BCL11B: variants seen among roughly 807,000 people sequenced by gnomAD.
The protein encoded by BCL11B is B-cell lymphoma/leukemia 11B.
Under a neutral mutation model 49.9 loss-of-function variants are expected in BCL11B, and 8 were observed. The observed-to-expected ratio is 0.16, with a 90% CI of 0.09 to 0.29. BCL11B has a LOEUF of 0.29. Ranked by LOEUF, BCL11B falls within the 10% of genes least tolerant of loss-of-function variation. The pLI is 1.00. For missense variants in BCL11B, 1,006 were observed against 1,351.0 expected, an observed-to-expected ratio of 0.74 and a Z score of 4.00; for synonymous variants, 739 against 637.4, an observed-to-expected ratio of 1.16 and a Z score of -2.40.
chr14:99,175,885 G>T lies in BCL11B; in HGVS notation c.951C>A (p.Phe317Leu). 1.4e-6 allele frequency: 2 copies of T among 1,467,534 alleles called. No homozygotes were observed. The highest frequency in any genetic ancestry group is 1.8e-6 in the Non-Finnish European group (2 of 1,113,776). The allele number at this position is 1,467,534 out of a possible 1,614,324, so 90.9% of individuals were successfully genotyped here. The change falls in exon 4 of 4, where the codon TTC becomes TTA. Residue 317 changes from phenylalanine to leucine, a missense_variant. Phe to Leu is a conservative substitution (Grantham distance 22, BLOSUM62 0). Around this residue, in one of 6 missense-constraint regions of BCL11B, gnomAD observed 411 missense variants for 542.2 expected, o/e 0.76. Transcript: ENST00000357195. ...CCAGGTGGTGGCGCGGCGGGGGACT[G>T]AAGAGAGGCGGCGTGCCCGGCAGGC... ...EGRLPGTPPL[F>L]SPPPRHHLDP...
Position 99,241,765 on chromosome 14 carries a change from A to C in BCL11B, c.428-10208T>G, listed in dbSNP as rs2139916725. On this transcript the variant is annotated intron_variant, in intron 2 of 3. Coordinates refer to ENST00000357195, the MANE Select transcript of BCL11B (RefSeq NM_138576.4). The surrounding 1 kb of genome is among the most constrained non-coding windows in gnomAD (Gnocchi z 4.4). The stretch of plus-strand genomic sequence containing the variant: ...AAAAAACATCAGTGTCACTAAAAAA[A>C]ACGTCACTCTGTTTTGCAAAATCCA... 6.6e-6 allele frequency among the ~76,000 whole-genome samples: 1 copy of C among 152,312 alleles called. No homozygotes were observed. Among genetic ancestry groups the C allele is most frequent in the South Asian group, 2.1e-4 (1 of 4,822 alleles).
rs1324916827 is a variant in BCL11B at position 99,194,119 on chromosome 14, A to G, written c.641-17924T>C. On this transcript the variant is annotated intron_variant, in intron 3 of 3. Transcript: ENST00000357195. This position sits in a 1 kb window ranked among gnomAD's most constrained non-coding sequence, Gnocchi z 4.6. ...TGTCGTGAGAAACGTGCATGACCCCACACATGAATTCTCCCAAACATGATG... is the reference window on the plus strand; with the variant it reads ...TGTCGTGAGAAACGTGCATGACCCCGCACATGAATTCTCCCAAACATGATG... Among the ~76,000 whole-genome samples the G allele has an allele frequency of 6.6e-6, 1 of 152,204 alleles. No homozygotes were observed. The highest frequency in any genetic ancestry group is 1.9e-4 in the East Asian group (1 of 5,190).
intron 2 of BCL11B, among the ~76,000 whole-genome samples, chr14:99,255,602 G>C (rs1889139445): frequency 6.6e-6 from 1 of 152,066 alleles, no homozygotes; most frequent in Admixed American, 6.5e-5. Flanking sequence ...GATGTTTTTG[G>C]CAAAAGCAGC....
intron 3 of BCL11B, among the ~76,000 whole-genome samples, 180 bp from the exon 4 acceptor site, chr14:99,176,375 G>A (rs1399374220): frequency 6.6e-6 from 1 of 152,188 alleles, no homozygotes; most frequent in South Asian, 2.1e-4. Context: ...CTCCTGGCTG[G>A]GGGGCCGAAG....
chr14:99,271,389 C>G lies in BCL11B; in HGVS notation c.-171G>C. 1 of 300,950 alleles carries G rather than the reference C, an allele frequency of 3.3e-6. No homozygotes were observed. Among genetic ancestry groups the G allele is most frequent in the Non-Finnish European group, 6.2e-6 (1 of 161,642 alleles). The allele number at this position is 300,950 out of a possible 1,614,324, so 18.6% of individuals were successfully genotyped here. On this transcript the variant is annotated 5_prime_UTR_variant, in exon 1 of 4. Transcript: ENST00000357195. Reference sequence around the variant, plus strand: ...TTTTTTTCCCTTCCTCTCTTTCCCTCTCTTCCTCCTCTTCTTCTTCTTTAT... The same window carrying G: ...TTTTTTTCCCTTCCTCTCTTTCCCTGTCTTCCTCCTCTTCTTCTTCTTTAT...
At chr14:99,227,359 G>A (rs2139880177) in intron 3 of BCL11B, among the ~76,000 whole-genome samples, 1 of 152,242 alleles carries the variant, frequency 6.6e-6, no homozygotes, top group Middle Eastern at 3.4e-3. Flanking sequence ...TTCAGAGCCT[G>A]TCCTATCCTT....
Position 99,171,610 on chromosome 14 carries a change from A to ATT in BCL11B, c.*2539_*2540dup, listed in dbSNP as rs397972707. On this transcript the variant is annotated 3_prime_UTR_variant, in exon 4 of 4. Transcript: ENST00000357195. ...AAAATAAGTACAGGTCAGAAATGTG[A>ATT]TTTTTTTTTTTTCTGCAAAGCAATA... 2.6e-4 allele frequency: 49 copies of ATT among 191,942 alleles called. No homozygotes were observed. The highest frequency in any genetic ancestry group is 3.4e-4 in the East Asian group (4 of 11,628). The allele number at this position is 191,942 out of a possible 1,614,324, so 11.9% of individuals were successfully genotyped here.
rs545891328 is a variant in BCL11B at position 99,170,813 on chromosome 14, G to A, written c.*3338C>T. 31 of 232,974 alleles carry A rather than the reference G, an allele frequency of 1.3e-4. No individual in the cohort carries two copies. Among genetic ancestry groups the A allele is most frequent in the South Asian group, 1.8e-4 (1 of 5,518 alleles). 14.4% of individuals were successfully genotyped at this position (232,974 alleles called of 1,614,324 possible). On this transcript the variant is annotated 3_prime_UTR_variant, in exon 4 of 4. Transcript: ENST00000357195. ...TCCTTCCTGAAATCCAATTTGTACC[G>A]GTCTCAACAGCAGGTCACTTCACCT...
chr14:99,175,574 TGCGGGGGCG>T lies in BCL11B; in HGVS notation c.1253_1261del (p.Pro418_Pro420del). ...GCACGACTTGCTCTTGGCTGGCGGC[TGCGGGGGCG>T]GCGTGCCGCCAGGGGGCATGGGCGG... On this transcript the variant is annotated inframe_deletion, in exon 4 of 4. Transcript: ENST00000357195. The T allele has an allele frequency of 6.3e-7, 1 of 1,587,594 alleles. No homozygotes were observed. Among genetic ancestry groups the T allele is most frequent in the Non-Finnish European group, 8.6e-7 (1 of 1,167,782 alleles).
intron 3 of BCL11B, among the ~76,000 whole-genome samples, chr14:99,197,635 G>A (rs908453067): frequency 1.3e-5 from 2 of 152,032 alleles, no homozygotes; most frequent in East Asian, 1.9e-4. Context: ...TTCTGACAAC[G>A]CCAAGATACA....
intron 3 of BCL11B, among the ~76,000 whole-genome samples, chr14:99,191,218 T>TTGGGC (rs1401659520): frequency 9.5e-4 from 2 of 2,106 alleles, no homozygotes; most frequent in Non-Finnish European, 0.019. Flanking sequence ...GGGCTTGGGC[T>TTGGGC]TTGGGGTGCT....
intron 1 of BCL11B, among the ~76,000 whole-genome samples, chr14:99,270,639 G>A (rs1008694150): frequency 5.9e-5 from 9 of 151,902 alleles, no homozygotes; most frequent in African/African-American, 1.9e-4. Flanking sequence ...ACCCGGAGCC[G>A]GCGGCCGCCC....
In BCL11B at chr14:99,192,985, G is replaced by A. The variant is rs1887080102; in HGVS notation, c.641-16790C>T. On this transcript the variant is annotated intron_variant, in intron 3 of 3. Coordinates refer to ENST00000357195, the MANE Select transcript of BCL11B (RefSeq NM_138576.4). The surrounding 1 kb of genome is among the most constrained non-coding windows in gnomAD (Gnocchi z 4.0). ...AATGAATGAATGAGTGAATAAGTGAGTGCAAGACAGCAGGATGGGGCTAAG... is the reference window on the plus strand; with the variant it reads ...AATGAATGAATGAGTGAATAAGTGAATGCAAGACAGCAGGATGGGGCTAAG... Among the ~76,000 whole-genome samples the A allele has an allele frequency of 1.3e-5, 2 of 152,222 alleles. No individual in the cohort carries two copies. Among genetic ancestry groups the A allele is most frequent in the Non-Finnish European group, 2.9e-5 (2 of 68,046 alleles).
intron 3 of BCL11B, among the ~76,000 whole-genome samples, chr14:99,198,009 C>T (rs895460060): frequency 4.6e-5 from 7 of 152,192 alleles, no homozygotes; most frequent in Non-Finnish European, 8.8e-5. Flanking sequence ...GGCTGACACG[C>T]GTGGGCTTAG....
intron 2 of BCL11B, among the ~76,000 whole-genome samples, chr14:99,239,241 G>A (rs1032287421): frequency 3.3e-5 from 5 of 152,324 alleles, no homozygotes; most frequent in African/African-American, 1.2e-4. Flanking sequence ...TGTTTTCTAA[G>A]ACAATTTAAT....
intron 3 of BCL11B, among the ~76,000 whole-genome samples, chr14:99,190,014 C>T (rs946293207): frequency 1.3e-5 from 2 of 152,174 alleles, no homozygotes; most frequent in Middle Eastern, 3.2e-3. Context: ...ACTCTCAAGG[C>T]ACTCCAAGAA....
At chr14:99,217,005 T>C (rs1275003068) in intron 3 of BCL11B, among the ~76,000 whole-genome samples, 1 of 152,082 alleles carries the variant, frequency 6.6e-6, no homozygotes, top group Non-Finnish European at 1.5e-5. Flanking sequence ...TACAAATACA[T>C]ATGCACATAT....
At chr14:99,238,281 A>G (rs1029098468) in intron 2 of BCL11B, among the ~76,000 whole-genome samples, 3 of 151,822 alleles carry the variant, frequency 2.0e-5, no homozygotes, top group African/African-American at 7.2e-5. Context: ...TCCTCCTTCC[A>G]CCAGAGATTG....
At chr14:99,180,086 T>C (rs1285289834) in intron 3 of BCL11B, among the ~76,000 whole-genome samples, 4 of 152,048 alleles carry the variant, frequency 2.6e-5, no homozygotes, top group African/African-American at 7.2e-5. Context: ...GACCAGATGT[T>C]TCCTGGCTGT....
Sources: gnomAD v4.1 joint callset for allele counts (sites outside exome capture counted in the v4.1 genomes callset) on GRCh38, gnomAD v4.1.1 for gene constraint, gnomAD v4.1.1 regional missense constraint, Gnocchi (gnomAD v3.1) non-coding constraint, MANE v1.5 for transcripts, NCBI Gene and HGNC (gene_info 2026-07-23, HGNC 2026-07-21) for gene names.